The following MGST2 variants were observed in gnomAD, a reference collection of about 807,000 sequenced individuals.
MGST2 encodes the protein microsomal glutathione S-transferase 2, also known as glutathione peroxidase MGST2.
A neutral mutation model predicts 16.6 loss-of-function variants in MGST2; 9 were observed. That is an observed-to-expected ratio of 0.54 (90% CI 0.33 to 0.95). The LOEUF is 0.95. Ranked by LOEUF, MGST2 falls within the 40% of genes least tolerant of loss-of-function variation. The pLI is 0.03. For synonymous variants in MGST2, 79 were observed against 68.0 expected (o/e 1.16, Z -0.79); for missense variants, 159 against 175.1 (o/e 0.91, Z 0.52).
At chr4:139,691,408 A>G (rs1330603875) in intron 2 of MGST2, among the ~76,000 whole-genome samples, 1 of 152,228 alleles carries the variant, frequency 6.6e-6, no homozygotes, top group Non-Finnish European at 1.5e-5. Flanking sequence ...AGTAATTTTC[A>G]GAGTTTGGTC....
chr4:139,674,295 G>C (rs1392730698), intron 1 of MGST2, among the ~76,000 whole-genome samples: 5 of 152,094 alleles, frequency 3.3e-5, no homozygotes. Context: ...TCTATATCCA[G>C]GTCATAGGTA....
chr4:139,704,215 T>G lies in MGST2; in HGVS notation c.*67T>G. 6.4e-7 allele frequency: 1 copy of G among 1,574,684 alleles called. No homozygotes were observed. ...CATGAAGGTAATATGGTATCATTTG[T>G]TAAATAAAAATAAAGTCTTTATTCT... On this transcript the variant is annotated 3_prime_UTR_variant, in exon 5 of 5. Coordinates refer to ENST00000265498, the MANE Select transcript of MGST2 (RefSeq NM_002413.5).
chr4:139,705,481 C>T (rs1183245720), downstream of MGST2: 1 of 152,126 alleles, frequency 6.6e-6, no homozygotes, highest in Non-Finnish European at 1.5e-5. Flanking sequence ...TCCAGTTAGC[C>T]ATCTTGGTTC....
chr4:139,681,306 C>T (rs2602250), intron 2 of MGST2, among the ~76,000 whole-genome samples: 37,485 of 152,118 alleles, frequency 0.25, 5,183 homozygotes, highest in African/African-American at 0.36. Context: ...GTGTTAGCCA[C>T]TACTCCTGGC....
At chr4:139,670,233 T>C (rs531134733) in intron 1 of MGST2, among the ~76,000 whole-genome samples, 16 of 123,654 alleles carry the variant, frequency 1.3e-4, no homozygotes, top group Admixed American at 1.2e-3. Flanking sequence ...TGAGGTGTAA[T>C]ATTCTGATTT....
chr4:139,714,410 C>T (rs1430418098), intron 5 of MGST2, among the ~76,000 whole-genome samples: 1 of 152,194 alleles, frequency 6.6e-6, no homozygotes, highest in Non-Finnish European at 1.5e-5. Flanking sequence ...TACCCTTTTG[C>T]CAGCATGCTA....
At chr4:139,691,591 C>T (rs1726583986) in intron 2 of MGST2, among the ~76,000 whole-genome samples, 1 of 152,056 alleles carries the variant, frequency 6.6e-6, no homozygotes. Flanking sequence ...CAAGGCCAAA[C>T]CAATACTTGG....
intron 2 of MGST2, among the ~76,000 whole-genome samples, chr4:139,693,719 G>T (rs1368217617): frequency 6.6e-6 from 1 of 152,220 alleles, no homozygotes; most frequent in Non-Finnish European, 1.5e-5. Context: ...CTAGAAAGTT[G>T]TAGTTACGGT....
chr4:139,736,290 G>T (rs1302839074), intron 5 of MGST2, among the ~76,000 whole-genome samples: 4 of 152,170 alleles, frequency 2.6e-5, no homozygotes, highest in Non-Finnish European at 4.4e-5. Flanking sequence ...AGATACTATT[G>T]AAAGTTTTAT....
chr4:139,753,625 G>T, the MGST2 span, among the ~76,000 whole-genome samples: 38 of 152,272 alleles, frequency 2.5e-4, no homozygotes, highest in African/African-American at 7.9e-4. Context: ...TAGGGCAACT[G>T]CAGATCTTTT....
the MGST2 span, among the ~76,000 whole-genome samples, chr4:139,745,809 T>C: frequency 6.6e-6 from 1 of 152,156 alleles, no homozygotes; most frequent in African/African-American, 2.4e-5. Flanking sequence ...TGACAGGGAG[T>C]AGAACAGTAG....
intron 5 of MGST2, chr4:139,730,882 T>C (rs930893999): frequency 1.5e-5 from 9 of 590,230 alleles, no homozygotes; most frequent in Middle Eastern, 4.5e-4. Flanking sequence ...TAAGAGAGCA[T>C]GGCTCTGGGA....
chr4:139,692,787 A>G (rs1181749384), intron 2 of MGST2, among the ~76,000 whole-genome samples: 1 of 152,208 alleles, frequency 6.6e-6, no homozygotes, highest in Admixed American at 6.5e-5. Flanking sequence ...GAGACACAAA[A>G]GCACACATGC....
intron 1 of MGST2, 47 bp downstream of exon 1, chr4:139,666,124 G>A (rs751090864): frequency 3.9e-6 from 6 of 1,550,762 alleles, no homozygotes; most frequent in Non-Finnish European, 5.3e-6. Flanking sequence ...GTGCGTGTGT[G>A]TGTGTGTGTG....
chr4:139,692,238 G>A (rs1726653189), intron 2 of MGST2, among the ~76,000 whole-genome samples: 1 of 152,220 alleles, frequency 6.6e-6, no homozygotes, highest in African/African-American at 2.4e-5. Flanking sequence ...TACTCCAGGT[G>A]TTGCCATCCT....
At chr4:139,672,922 A>C (rs1730773563) in intron 1 of MGST2, among the ~76,000 whole-genome samples, 1 of 152,152 alleles carries the variant, frequency 6.6e-6, no homozygotes, top group South Asian at 2.1e-4. Flanking sequence ...TTGTAGCAGA[A>C]GGGGATTAGT....
At chr4:139,698,730 C>A (rs1727079785) in intron 3 of MGST2, among the ~76,000 whole-genome samples, 1 of 152,202 alleles carries the variant, frequency 6.6e-6, no homozygotes, top group Non-Finnish European at 1.5e-5. Flanking sequence ...CAAGGTTTTT[C>A]CCCCTGCTGG....
intron 1 of MGST2, among the ~76,000 whole-genome samples, chr4:139,670,137 G>A (rs1730594933): frequency 6.6e-6 from 1 of 151,946 alleles, no homozygotes. Flanking sequence ...TGCATCCTGT[G>A]CCTTGGTAGA....
At chr4:139,693,772 G>C (rs1934842570) in intron 2 of MGST2, among the ~76,000 whole-genome samples, 1 of 152,202 alleles carries the variant, frequency 6.6e-6, no homozygotes, top group Admixed American at 6.5e-5. Flanking sequence ...GACATTCCTT[G>C]GGTCACCAGT....
Sources: allele counts gnomAD v4.1 joint callset (sites outside exome capture counted in the v4.1 genomes callset), GRCh38; gene constraint gnomAD v4.1.1; transcripts MANE v1.5; gene names NCBI Gene and HGNC (gene_info 2026-07-23, HGNC 2026-07-21).